The following STARD13 variants were observed in gnomAD, a reference collection of about 807,000 sequenced individuals.
STARD13 encodes the protein stAR-related lipid transfer protein 13.
A neutral mutation model predicts 106.4 loss-of-function variants in STARD13; 62 were observed. The ratio of observed to expected loss-of-function variants is 0.58; its 90% confidence interval spans 0.48 to 0.72. STARD13 has a LOEUF of 0.72. Ranked by LOEUF, STARD13 falls within the 30% of genes least tolerant of loss-of-function variation. The pLI, the probability that STARD13 is intolerant of heterozygous loss-of-function variation, is 0.00. For missense variants in STARD13, 1,387 were observed against 1,424.0 expected (o/e 0.97, Z 0.42); for synonymous variants, 565 against 553.0 (o/e 1.02, Z -0.31).
intron 1 of STARD13, among the ~76,000 whole-genome samples, chr13:33,315,039 G>A (rs983983534): frequency 5.3e-5 from 8 of 152,122 alleles, no homozygotes; most frequent in African/African-American, 1.9e-4. Context: ...CATAAGATCT[G>A]GATGATGTGT....
At chr13:33,424,465 A>G in the STARD13 span, among the ~76,000 whole-genome samples, 1 of 152,164 alleles carries the variant, frequency 6.6e-6, no homozygotes, top group African/African-American at 2.4e-5. Context: ...TGCGCACATT[A>G]TTGCCCTCTG....
chr13:33,516,358 C>T, the STARD13 span, among the ~76,000 whole-genome samples: 2 of 150,752 alleles, frequency 1.3e-5, no homozygotes, highest in Non-Finnish European at 3.0e-5. Context: ...TTCTTACTTA[C>T]CTTAAGAACA....
At chr13:33,252,797 G>A (rs530341545) in intron 1 of STARD13, among the ~76,000 whole-genome samples, 7 of 152,140 alleles carry the variant, frequency 4.6e-5, no homozygotes, top group Non-Finnish European at 5.9e-5. Context: ...TGGATTTGAC[G>A]CAAGTTGCAG....
At chr13:33,525,166 C>T in the STARD13 span, among the ~76,000 whole-genome samples, 2 of 151,876 alleles carry the variant, frequency 1.3e-5, no homozygotes, top group African/African-American at 4.8e-5. Flanking sequence ...GTATTAAAGG[C>T]ACTTGCCATT....
At chr13:33,400,398 T>C in the STARD13 span, among the ~76,000 whole-genome samples, 1 of 152,180 alleles carries the variant, frequency 6.6e-6, no homozygotes, top group African/African-American at 2.4e-5. Context: ...TTAGGTTGTT[T>C]CCATATCTTG....
chr13:33,344,331 T>G (rs990403985), downstream of STARD13, among the ~76,000 whole-genome samples: 9 of 152,216 alleles, frequency 5.9e-5, no homozygotes, highest in Admixed American at 3.9e-4. Flanking sequence ...AAATAGCATC[T>G]AAACGTAGTA....
chr13:33,130,019 G>A lies in STARD13; in HGVS notation c.658C>T (p.Pro220Ser). 3.7e-6 allele frequency: 6 copies of A among 1,613,268 alleles called. No individual in the cohort carries two copies. Among genetic ancestry groups the A allele is most frequent in the Non-Finnish European group, 5.1e-6 (6 of 1,179,764 alleles). Residue 220 changes from proline to serine, a missense_variant, in exon 5 of 14, where the codon CCG becomes TCG. Pro to Ser is a moderately conservative substitution (Grantham distance 74). Transcript: ENST00000336934. This position sits in a 1 kb window ranked among gnomAD's most constrained non-coding sequence, Gnocchi z 4.1. ...SQPGQCCTDN[P>S]VMLDAPLVSS... The stretch of plus-strand genomic sequence containing the variant: ...ACGAGTGGGGCATCCAGCATGACCG[G>A]GTTGTCTGTACAGCACTGGCCCGGC...
At chr13:33,633,097 AATG>A in the STARD13 span, among the ~76,000 whole-genome samples, 1 of 152,238 alleles carries the variant, frequency 6.6e-6, no homozygotes, top group African/African-American at 2.4e-5. Flanking sequence ...AAATAACAAT[AATG>A]ATAAAAAGTG....
chr13:33,308,837 C>A (rs80272604), intron 1 of STARD13, among the ~76,000 whole-genome samples: 42 of 152,232 alleles, frequency 2.8e-4, no homozygotes, highest in African/African-American at 1.0e-3. Flanking sequence ...TTTCTAATTT[C>A]TAGTCAGATG....
In STARD13 at chr13:33,130,632, T is replaced by G. The variant is rs1194599176; in HGVS notation, c.388-343A>C. On this transcript the variant is annotated intron_variant, in intron 4 of 13. Transcript: ENST00000336934. The surrounding 1 kb of genome is among the most constrained non-coding windows in gnomAD (Gnocchi z 4.1). ...TACATCAGACTAGACGGTCTAAATA[T>G]AAAGCACCTGCAGTCTTCTTTTTCA... Among the ~76,000 whole-genome samples, 2 of 152,210 alleles carry G rather than the reference T, an allele frequency of 1.3e-5. No individual in the cohort carries two copies. The highest frequency in any genetic ancestry group is 2.9e-5 in the Non-Finnish European group (2 of 68,036).
At chr13:33,502,721 C>T in the STARD13 span, among the ~76,000 whole-genome samples, 6 of 152,168 alleles carry the variant, frequency 3.9e-5, no homozygotes, top group Non-Finnish European at 7.3e-5. Context: ...AGCCTTGCAT[C>T]GCAGTGATGA....
chr13:33,363,143 C>G, the STARD13 span, among the ~76,000 whole-genome samples: 368 of 152,266 alleles, frequency 2.4e-3, 2 homozygotes, highest in Non-Finnish European at 4.0e-3. Context: ...TCTATATGGA[C>G]CTTGTATCCT....
intron 1 of STARD13, among the ~76,000 whole-genome samples, chr13:33,194,431 A>G (rs1166075369): frequency 1.3e-5 from 2 of 152,254 alleles, no homozygotes; most frequent in Admixed American, 1.3e-4. Flanking sequence ...AATCTTAAAA[A>G]AAAATCCCTG....
At chr13:33,451,373 G>C in the STARD13 span, among the ~76,000 whole-genome samples, 1 of 152,134 alleles carries the variant, frequency 6.6e-6, no homozygotes, top group Admixed American at 6.5e-5. Flanking sequence ...GGATGGACTG[G>C]GGGTGGAAAG....
intron 1 of STARD13, among the ~76,000 whole-genome samples, chr13:33,248,512 G>T (rs541549855): frequency 6.6e-6 from 1 of 152,274 alleles, no homozygotes; most frequent in African/African-American, 2.4e-5. Context: ...TACCAGTTGG[G>T]GTCCAGACTT....
chr13:33,449,916 T>C, the STARD13 span, among the ~76,000 whole-genome samples: 1 of 152,210 alleles, frequency 6.6e-6, no homozygotes, highest in South Asian at 2.1e-4. Context: ...ATACAACTGA[T>C]TTTGTATGTT....
At chr13:33,271,225 C>A (rs1891143029) in intron 1 of STARD13, among the ~76,000 whole-genome samples, 1 of 152,176 alleles carries the variant, frequency 6.6e-6, no homozygotes, top group South Asian at 2.1e-4. Context: ...AATCTCCACC[C>A]AAGACTTCTC....
intron 1 of STARD13, among the ~76,000 whole-genome samples, chr13:33,219,813 C>CAAAAA (rs71196513): frequency 7.2e-4 from 84 of 116,354 alleles, no homozygotes; most frequent in Non-Finnish European, 1.0e-3. Context: ...TAAAAACAAA[C>CAAAAA]AAAAAAAAAA....
At chr13:33,552,168 A>T in the STARD13 span, among the ~76,000 whole-genome samples, 4 of 152,180 alleles carry the variant, frequency 2.6e-5, no homozygotes, top group African/African-American at 9.7e-5. Flanking sequence ...CTAAAGAGAG[A>T]TATAGACAAT....
Sources: gnomAD v4.1 joint callset for allele counts (sites outside exome capture counted in the v4.1 genomes callset) on GRCh38, gnomAD v4.1.1 for gene constraint, Gnocchi (gnomAD v3.1) non-coding constraint, MANE v1.5 for transcripts, NCBI Gene and HGNC (gene_info 2026-07-23, HGNC 2026-07-21) for gene names.